Variants in TSPAN12 observed in about 807,000 individuals in gnomAD.
TSPAN12 encodes tetraspanin-12.
TSPAN12 carries 19 observed loss-of-function variants against 39.2 expected under a neutral mutation model. That is an observed-to-expected ratio of 0.49 (90% CI 0.34 to 0.71). The LOEUF (loss-of-function observed/expected upper bound fraction) is 0.71. Ranked by LOEUF, TSPAN12 falls within the 30% of genes least tolerant of loss-of-function variation. The probability of loss-of-function intolerance (pLI) is 0.01; values close to 1 mark genes in which losing one functional copy is unlikely to be tolerated. For missense variants in TSPAN12, 314 were observed against 359.9 expected (o/e 0.87, Z 1.03); for synonymous variants, 119 against 124.8 (o/e 0.95, Z 0.31).
At position 120,804,498 on chromosome 7, in the gene TSPAN12, C is replaced by T. The variant is rs535965464; in HGVS notation, c.612+2051G>A. Among the ~76,000 whole-genome samples, 114 of 152,098 alleles carry T rather than the reference C, an allele frequency of 7.5e-4. 1 individual carries two copies. The highest frequency in any genetic ancestry group is 1.3e-3 in the Non-Finnish European group (89 of 67,998). ...TCAATAAACTATATTTTGTATATTC[C>T]TTTTCATTCAAAGCCAAATGTTTCT... On this transcript the variant is annotated intron_variant, in intron 7 of 7. Coordinates refer to ENST00000222747, the MANE Select transcript of TSPAN12 (RefSeq NM_012338.4).
Position 120,790,143 on chromosome 7 carries a change from G to A in TSPAN12, c.613-1246C>T, listed in dbSNP as rs1381113742. Among the ~76,000 whole-genome samples the A allele has an allele frequency of 2.0e-5, 3 of 152,056 alleles. No homozygotes were observed. The East Asian group carries it at 5.8e-4, about 29-fold the overall frequency. ...GCAGGAGAGAGTTCTTCTCTTTCTT[G>A]TGCCTATTAAACCTCCACTCTTAAC... On this transcript the variant is annotated intron_variant, in intron 7 of 7. Transcript: ENST00000222747.
rs1297850603 is a variant in TSPAN12, at chr7:120,838,879, A to G, written c.183T>C (p.Pro61=). ...CAGCAATCATGACCGGATGAACCAC[A>G]GGAAAGTAAGTCAAAATGACTGCTT... The part of the protein sequence containing the change: ...VEEAVILTYF[P]VVHPVMIAVC... Residue 61 remains proline (P), a synonymous_variant, in exon 4 of 8, where the codon CCT becomes CCC. Coordinates refer to ENST00000222747, the MANE Select transcript of TSPAN12 (RefSeq NM_012338.4). 2 of 1,614,054 alleles carry G rather than the reference A, an allele frequency of 1.2e-6. No individual in the cohort carries two copies. The highest frequency in any genetic ancestry group is 1.7e-6 in the Non-Finnish European group (2 of 1,179,942).
intron 4 of TSPAN12, among the ~76,000 whole-genome samples, chr7:120,832,990 G>A (rs147760979): frequency 1.7e-3 from 264 of 152,216 alleles, no homozygotes; most frequent in Middle Eastern, 3.4e-3. Flanking sequence ...CAGTACTGTG[G>A]TGTAGTGAAA....
intron 7 of TSPAN12, among the ~76,000 whole-genome samples, chr7:120,793,868 T>C (rs983663312): frequency 6.6e-6 from 1 of 152,226 alleles, no homozygotes; most frequent in African/African-American, 2.4e-5. Flanking sequence ...ATTGAAGATA[T>C]TTTTTCTCGA....
intron 2 of TSPAN12, among the ~76,000 whole-genome samples, chr7:120,843,885 G>A (rs557375281): frequency 1.3e-5 from 2 of 152,162 alleles, no homozygotes; most frequent in South Asian, 2.1e-4. Flanking sequence ...AAGTATCTCC[G>A]GGACAGAAAA....
intron 4 of TSPAN12, among the ~76,000 whole-genome samples, chr7:120,823,869 A>C (rs1161377007): frequency 2.0e-5 from 3 of 152,176 alleles, no homozygotes; most frequent in Non-Finnish European, 4.4e-5. Context: ...TAAAAGTAAA[A>C]ACAAAATTAA....
intron 7 of TSPAN12, among the ~76,000 whole-genome samples, chr7:120,804,415 G>A (rs1041754335): frequency 1.3e-5 from 2 of 152,064 alleles, no homozygotes; most frequent in Non-Finnish European, 2.9e-5. Flanking sequence ...AAAAGAACTA[G>A]GTTCAGTGCC....
intron 2 of TSPAN12, among the ~76,000 whole-genome samples, chr7:120,850,106 C>CTGTGAAAGAAAG: frequency 6.6e-6 from 1 of 152,304 alleles, no homozygotes; most frequent in Non-Finnish European, 1.5e-5. Flanking sequence ...AAAGAATAGG[C>CTGTGAAAGAAAG]AATGTAAATG....
At chr7:120,847,340 G>C (rs1260909905) in intron 2 of TSPAN12, among the ~76,000 whole-genome samples, 1 of 151,862 alleles carries the variant, frequency 6.6e-6, no homozygotes, top group Admixed American at 6.6e-5. Context: ...TTCTCAGTCA[G>C]TCTGAAAGAT....
chr7:120,799,784 T>G (rs373571010), intron 7 of TSPAN12, among the ~76,000 whole-genome samples: 1 of 135,674 alleles, frequency 7.4e-6, no homozygotes, highest in Admixed American at 8.0e-5. Flanking sequence ...TTAAATTATA[T>G]ATAATAAATA....
At chr7:120,854,395 T>A (rs957204190) in intron 2 of TSPAN12, among the ~76,000 whole-genome samples, 9 of 152,162 alleles carry the variant, frequency 5.9e-5, no homozygotes, top group Non-Finnish European at 4.4e-5. Flanking sequence ...ATTGTAGTAG[T>A]TATAGTAATA....
Position 120,787,520 on chromosome 7 carries a change from T to C in TSPAN12, c.*1072A>G, listed in dbSNP as rs760432159. 6.6e-6 allele frequency: 1 copy of C among 152,570 alleles called. No individual in the cohort carries two copies. The highest frequency in any genetic ancestry group is 1.5e-5 in the Non-Finnish European group (1 of 67,978). The allele number at this position is 152,570 out of a possible 1,614,324, so 9.5% of individuals were successfully genotyped here. On this transcript the variant is annotated 3_prime_UTR_variant, in exon 8 of 8. Coordinates refer to ENST00000222747, the MANE Select transcript of TSPAN12 (RefSeq NM_012338.4). ...AATAAAACAAAGAATCTCTAAATTG[T>C]CACATGTTTTAATGATTCTCACAAG...
At position 120,788,626 on chromosome 7, in the gene TSPAN12, C is replaced by T. The variant is rs1367717115; in HGVS notation, c.884G>A (p.Ser295Asn). The T allele has an allele frequency of 6.2e-7, 1 of 1,614,114 alleles. No individual in the cohort carries two copies. Among genetic ancestry groups the T allele is most frequent in the Admixed American group, 1.7e-5 (1 of 60,020 alleles). The change falls in exon 8 of 8, where the codon AGC becomes AAC. Residue 295 changes from serine to asparagine, a missense_variant. By Grantham distance (46) the Ser-to-Asn change is conservative (BLOSUM62 1). Coordinates refer to ENST00000222747, the MANE Select transcript of TSPAN12 (RefSeq NM_012338.4). ...RIFEHTSMANSFNTHFEMEEL is the reference protein window; with the variant it reads ...RIFEHTSMANNFNTHFEMEEL ...CTCCATCTCAAAGTGTGTATTAAAGCTGTTTGCCATGGATGTGTGTTCAAA... is the reference window on the plus strand; with the variant it reads ...CTCCATCTCAAAGTGTGTATTAAAGTTGTTTGCCATGGATGTGTGTTCAAA...
At chr7:120,847,553 C>T (rs1391397812) in intron 2 of TSPAN12, among the ~76,000 whole-genome samples, 1 of 152,186 alleles carries the variant, frequency 6.6e-6, no homozygotes, top group Admixed American at 6.5e-5. Flanking sequence ...TATAATCAAT[C>T]CTTCAATCAT....
intron 4 of TSPAN12, among the ~76,000 whole-genome samples, chr7:120,819,014 T>G (rs1794137668): frequency 6.6e-6 from 1 of 152,120 alleles, no homozygotes. Context: ...AACTACATAC[T>G]GGATCACTTT....
chr7:120,810,410 T>C, intron 6 of TSPAN12, 53 bp downstream of exon 6: 2 of 1,125,746 alleles, frequency 1.8e-6, no homozygotes, highest in South Asian at 1.2e-5. Flanking sequence ...ACATCTGGTT[T>C]GAAGGTGCAC....
chr7:120,847,355 C>T (rs763137643), intron 2 of TSPAN12, among the ~76,000 whole-genome samples: 2 of 152,080 alleles, frequency 1.3e-5, no homozygotes, highest in Non-Finnish European at 2.9e-5. Context: ...AAAGATTAGA[C>T]TATTCCTAAA....
At chr7:120,797,774 T>C (rs1364949098) in intron 7 of TSPAN12, among the ~76,000 whole-genome samples, 3 of 152,332 alleles carry the variant, frequency 2.0e-5, no homozygotes, top group Non-Finnish European at 2.9e-5. Flanking sequence ...ATTCTGCCTC[T>C]GACATATCTT....
intron 6 of TSPAN12, among the ~76,000 whole-genome samples, chr7:120,806,955 G>T (rs776731858): frequency 8.6e-5 from 13 of 152,024 alleles, no homozygotes; most frequent in Non-Finnish European, 1.5e-4. Context: ...CTCCCTAACT[G>T]TAAGCTCATC....
Sources: gnomAD v4.1 joint callset for allele counts (sites outside exome capture counted in the v4.1 genomes callset) on GRCh38, gnomAD v4.1.1 for gene constraint, MANE v1.5 for transcripts, NCBI Gene and HGNC (gene_info 2026-07-23, HGNC 2026-07-21) for gene names.